The following NFATC3 variants were observed in gnomAD, a reference collection of about 807,000 sequenced individuals.
The protein encoded by NFATC3 is nuclear factor of activated T cells 3.
A neutral mutation model predicts 98.6 loss-of-function variants in NFATC3; 46 were observed. The observed-to-expected ratio is 0.47, with a 90% CI of 0.37 to 0.60. NFATC3 has a LOEUF of 0.60. Ranked by LOEUF, NFATC3 falls within the 20% of genes least tolerant of loss-of-function variation. The pLI, the probability that NFATC3 is intolerant of heterozygous loss-of-function variation, is 0.00. For missense variants in NFATC3, 1,256 were observed against 1,295.5 expected, an observed-to-expected ratio of 0.97 and a Z score of 0.47; for synonymous variants, 512 against 472.2, an observed-to-expected ratio of 1.08 and a Z score of -1.09.
intron 9 of NFATC3, among the ~76,000 whole-genome samples, chr16:68,207,595 C>T (rs1210767993): frequency 6.6e-6 from 1 of 152,182 alleles, no homozygotes; most frequent in Non-Finnish European, 1.5e-5. Flanking sequence ...TCCTGAGTAG[C>T]TGGGATTACA....
At position 68,158,083 on chromosome 16, in the gene NFATC3, A is replaced by G. The variant is rs766566284; in HGVS notation, c.1601+15A>G. 4 of 1,571,064 alleles carry G rather than the reference A, an allele frequency of 2.5e-6. No homozygotes were observed. The highest frequency in any genetic ancestry group is 1.7e-6 in the Non-Finnish European group (2 of 1,147,710). On this transcript the variant is annotated intron_variant, in intron 4 of 9. Coordinates refer to ENST00000346183, the MANE Select transcript of NFATC3 (RefSeq NM_173165.3). The stretch of plus-strand genomic sequence containing the variant: ...ATGTCAGCCAGGTATTTTGAAATAT[A>G]CCTAAAATGTGCAGTTCTTTTTTTC...
chr16:68,170,900 C>A (rs964900345), intron 5 of NFATC3, among the ~76,000 whole-genome samples: 1 of 152,130 alleles, frequency 6.6e-6, no homozygotes, highest in Admixed American at 6.5e-5. Context: ...TTGCAGTTTT[C>A]ACTTATACTA....
chr16:68,089,255 T>G (rs2034570949), intron 1 of NFATC3: 1 of 985,420 alleles, frequency 1.0e-6, no homozygotes, highest in East Asian at 1.1e-4. Flanking sequence ...GTGAATGTCC[T>G]AAGCAAGCTT....
rs202157774 is a variant in NFATC3, at chr16:68,167,003, C to A, written c.1762C>A (p.Pro588Thr). ...CCTTTCTCTGCAGATAGCCTCTATA[C>A]CCGTTGAGTGCTGTAAGTGAGCTTG... ...KVLSLQIASI[P>T]VECSQRSAQE... is the part of the protein sequence containing the mutation. The change falls in exon 5 of 10, where the codon CCC (proline) becomes ACC (threonine). Residue 588 changes from proline (P) to threonine (T), a missense_variant. By Grantham distance (38) the Pro-to-Thr change is conservative. Transcript: ENST00000346183. The A allele has an allele frequency of 1.2e-6, 2 of 1,613,016 alleles. No individual in the cohort carries two copies. Among genetic ancestry groups the A allele is most frequent in the East Asian group, 2.2e-5 (1 of 44,878 alleles).
chr16:68,163,886 C>T (rs1390038788), intron 4 of NFATC3, among the ~76,000 whole-genome samples: 4 of 151,006 alleles, frequency 2.6e-5, no homozygotes, highest in African/African-American at 9.8e-5. Context: ...GATGGGATGG[C>T]GGCCGGGCAG....
In NFATC3 at chr16:68,166,947, G is replaced by C; in HGVS notation, c.1706G>C (p.Arg569Pro). 1.2e-6 allele frequency: 2 copies of C among 1,614,118 alleles called. No homozygotes were observed. Among genetic ancestry groups the C allele is most frequent in the East Asian group, 2.2e-5 (1 of 44,872 alleles). The change falls in exon 5 of 10, where the codon CGT (arginine) becomes CCT (proline). Residue 569 changes from arginine to proline, a missense_variant. Physicochemically the swap from Arg to Pro is moderately radical, Grantham distance 103. Coordinates refer to ENST00000346183, the MANE Select transcript of NFATC3 (RefSeq NM_173165.3). The part of the protein sequence containing the change: ...RKNTRVRLVF[R>P]VHIPQPSGKV... ...AATACTAGAGTACGACTTGTGTTTC[G>C]TGTACACATCCCACAGCCCAGTGGA... is the stretch of plus-strand genomic sequence containing the variant.
chr16:68,105,004 G>C (rs186857092), intron 1 of NFATC3, among the ~76,000 whole-genome samples: 6 of 151,842 alleles, frequency 4.0e-5, no homozygotes, highest in Non-Finnish European at 7.4e-5. Context: ...TTCCTAGTTT[G>C]CTGAGGTTTT....
chr16:68,170,271 G>A (rs1278843316), intron 5 of NFATC3, among the ~76,000 whole-genome samples: 4 of 150,246 alleles, frequency 2.7e-5, no homozygotes, highest in African/African-American at 9.8e-5. Flanking sequence ...TGTGCCTGTA[G>A]TCCCAGCTAC....
intron 3 of NFATC3, among the ~76,000 whole-genome samples, chr16:68,152,209 CAAA>C (rs769742861): frequency 1.9e-5 from 2 of 103,466 alleles, no homozygotes; most frequent in Admixed American, 1.0e-4. Context: ...CTAAAGATAC[CAAA>C]AAAAAAAAAA....
At chr16:68,166,777 G>A in intron 4 of NFATC3, 66 bp from the exon 5 acceptor site, 2 of 1,241,684 alleles carry the variant, frequency 1.6e-6, no homozygotes, top group Non-Finnish European at 2.2e-6. Context: ...CAATTTCTAT[G>A]TAGTTGAGTT....
intron 5 of NFATC3, among the ~76,000 whole-genome samples, chr16:68,172,440 A>T (rs939373266): frequency 6.6e-6 from 1 of 152,100 alleles, no homozygotes; most frequent in Admixed American, 6.6e-5. Flanking sequence ...TCAGAGAGAA[A>T]CCTAGGTATC....
chr16:68,116,912 G>C (rs1002949294), intron 1 of NFATC3, among the ~76,000 whole-genome samples: 1 of 151,924 alleles, frequency 6.6e-6, no homozygotes, highest in Non-Finnish European at 1.5e-5. Context: ...AGTACGATTA[G>C]ATGAAATTAG....
intron 1 of NFATC3, among the ~76,000 whole-genome samples, chr16:68,107,018 G>T (rs2035696074): frequency 6.6e-6 from 1 of 152,044 alleles, no homozygotes; most frequent in Non-Finnish European, 1.5e-5. Flanking sequence ...TGTGGTGTTT[G>T]GTTTTCTGTT....
intron 8 of NFATC3, among the ~76,000 whole-genome samples, chr16:68,184,806 A>AAAAC (rs200628366): frequency 0.036 from 5,462 of 150,832 alleles, 159 homozygotes; most frequent in East Asian, 0.1. Context: ...TCTGTCTCAA[A>AAAAC]AAACAAACAA....
chr16:68,122,954 G>C lies in NFATC3; in HGVS notation c.1071G>C (p.Leu357=). The C allele has an allele frequency of 6.2e-7, 1 of 1,614,178 alleles. No homozygotes were observed. Among genetic ancestry groups the C allele is most frequent in the Non-Finnish European group, 8.5e-7 (1 of 1,180,044 alleles). ...CCATACTACCAGGAAAATTAGAGCT[G>C]TGTTCAGATGACCAAGGGAGTTTAT... The part of the protein sequence containing the change: ...QAAILPGKLE[L]CSDDQGSLSP... The change falls in exon 2 of 10, where the codon CTG becomes CTC. Residue 357 remains leucine (L), a synonymous_variant. Transcript: ENST00000346183.
intron 9 of NFATC3, among the ~76,000 whole-genome samples, chr16:68,214,026 A>G (rs1209050390): frequency 6.6e-6 from 1 of 152,220 alleles, no homozygotes; most frequent in Non-Finnish European, 1.5e-5. Flanking sequence ...GATATAATGT[A>G]ATAAAAACTA....
At chr16:68,121,395 G>A (rs1054174420) in intron 1 of NFATC3, among the ~76,000 whole-genome samples, 3 of 145,970 alleles carry the variant, frequency 2.1e-5, no homozygotes, top group Non-Finnish European at 4.5e-5. Context: ...CACATTTATT[G>A]AGCTGGGCAC....
chr16:68,222,256 T>G (rs2041890820), intron 9 of NFATC3, among the ~76,000 whole-genome samples: 1 of 118,866 alleles, frequency 8.4e-6, no homozygotes, highest in Non-Finnish European at 1.6e-5. Context: ...CCACCTGCAT[T>G]CCAGCCTGGG....
intron 9 of NFATC3, chr16:68,200,802 C>T (rs575984084): frequency 3.9e-5 from 6 of 152,184 alleles, no homozygotes; most frequent in East Asian, 1.9e-4. Flanking sequence ...ATTTACAATT[C>T]GTATGCCTGG....
Sources: allele counts gnomAD v4.1 joint callset (sites outside exome capture counted in the v4.1 genomes callset), GRCh38; gene constraint gnomAD v4.1.1; transcripts MANE v1.5; gene names NCBI Gene and HGNC (gene_info 2026-07-23, HGNC 2026-07-21).